Variants in EFCAB5 observed in about 807,000 individuals in gnomAD.
EFCAB5 encodes the protein EF-hand calcium-binding domain-containing protein 5.
Under a neutral mutation model 167.9 loss-of-function variants are expected in EFCAB5, and 131 were observed. The ratio of observed to expected loss-of-function variants is 0.78; its 90% confidence interval spans 0.68 to 0.90. The LOEUF (loss-of-function observed/expected upper bound fraction) is 0.90. Ranked by LOEUF, EFCAB5 falls within the 40% of genes least tolerant of loss-of-function variation. The probability of loss-of-function intolerance (pLI) is 0.00; values close to 1 mark genes in which losing one functional copy is unlikely to be tolerated. For synonymous variants in EFCAB5, 574 were observed against 602.8 expected (o/e 0.95, Z 0.70); for missense variants, 1,663 against 1,745.2 (o/e 0.95, Z 0.84).
At chr17:30,038,966 T>C (rs2069696555) in intron 8 of EFCAB5, among the ~76,000 whole-genome samples, 1 of 152,064 alleles carries the variant, frequency 6.6e-6, no homozygotes, top group Admixed American at 6.6e-5. Context: ...ACCCACCTGG[T>C]GTGACGAATA....
In EFCAB5 at chr17:30,080,860, C is replaced by T. The variant is rs1035122252; in HGVS notation, c.3305C>T (p.Ser1102Leu). ...CGTAATAAGCATGATTATAATGGTT[C>T]ATTCCTGGCTCTGCCTCTTCAAGAT... The part of the protein sequence containing the change: ...QSRNKHDYNG[S>L]FLALPLQDAY... The change falls in exon 17 of 23, where the codon TCA (serine) becomes TTA (leucine). Residue 1102 changes from serine (S) to leucine (L), a missense_variant. Ser to Leu is a moderately radical substitution (Grantham distance 145, BLOSUM62 -2). Transcript: ENST00000394835. 1.7e-5 allele frequency: 28 copies of T among 1,613,716 alleles called. No homozygotes were observed. The highest frequency in any genetic ancestry group is 2.2e-5 in the Non-Finnish European group (26 of 1,179,836).
intron 8 of EFCAB5, among the ~76,000 whole-genome samples, chr17:30,040,351 A>G (rs1198535258): frequency 6.6e-6 from 1 of 152,150 alleles, no homozygotes; most frequent in African/African-American, 2.4e-5. Context: ...GCAGTCAGGC[A>G]CCTCCATGAT....
chr17:30,078,542 C>G, intron 15 of EFCAB5, 38 bp downstream of exon 15: 1 of 1,504,772 alleles, frequency 6.6e-7, no homozygotes, highest in East Asian at 2.3e-5. Flanking sequence ...GGAAACATTT[C>G]CTCAAAGTAG....
At chr17:30,082,462 C>G (rs1457308613) in intron 17 of EFCAB5, among the ~76,000 whole-genome samples, 1 of 140,954 alleles carries the variant, frequency 7.1e-6, no homozygotes, top group Admixed American at 7.7e-5. Flanking sequence ...GCGATCTCAG[C>G]TCACTGCAAC....
intron 4 of EFCAB5, among the ~76,000 whole-genome samples, chr17:29,992,851 T>G (rs1243089205): frequency 6.6e-6 from 1 of 152,236 alleles, no homozygotes; most frequent in African/African-American, 2.4e-5. Flanking sequence ...TTTTAGTTTT[T>G]TGAGGAACCT....
chr17:29,998,788 G>T (rs904897619), intron 6 of EFCAB5, among the ~76,000 whole-genome samples: 3 of 152,170 alleles, frequency 2.0e-5, no homozygotes, highest in African/African-American at 7.2e-5. Context: ...ACTATTAGAA[G>T]TAGGAGAGGA....
At chr17:29,941,619 A>G (rs1181949790), upstream of EFCAB5, 2 of 533,024 alleles carry the variant, frequency 3.8e-6, no homozygotes, top group Non-Finnish European at 6.6e-6. Flanking sequence ...GGAAAAGTTC[A>G]GCAGTTGAGA....
chr17:29,971,892 C>T (rs1048812412), intron 4 of EFCAB5, among the ~76,000 whole-genome samples: 1 of 152,198 alleles, frequency 6.6e-6, no homozygotes, highest in Non-Finnish European at 1.5e-5. Flanking sequence ...GGAAAGGGTT[C>T]CTTTTTCAGT....
At chr17:30,069,132 G>A (rs982875652) in intron 14 of EFCAB5, 2 of 1,538,370 alleles carry the variant, frequency 1.3e-6, no homozygotes, top group Non-Finnish European at 9.0e-7. Context: ...GAATATCTAA[G>A]CTGGAACCAG....
At position 30,053,676 on chromosome 17, in the gene EFCAB5, A is replaced by C. The variant is rs748179540; in HGVS notation, c.1722A>C (p.Thr574=). The C allele has an allele frequency of 1.1e-5, 17 of 1,614,046 alleles. No homozygotes were observed. The highest frequency in any genetic ancestry group is 6.8e-6 in the Non-Finnish European group (8 of 1,179,882). The change falls in exon 10 of 23, where the codon ACA becomes ACC. Residue 574 remains threonine, a synonymous_variant. Coordinates refer to ENST00000394835, the MANE Select transcript of EFCAB5 (RefSeq NM_198529.4). ...AAGAAACACACAGAGAGTCAACTAC[A>C]GAACAAGGACAGCACAAAGGGTCAA... The part of the protein sequence containing the change: ...TEQETHREST[T]EQGQHKGSIE...
At chr17:29,953,284 T>C (rs1257231091) in intron 3 of EFCAB5, among the ~76,000 whole-genome samples, 1 of 152,016 alleles carries the variant, frequency 6.6e-6, no homozygotes, top group Non-Finnish European at 1.5e-5. Flanking sequence ...CCATTCACAA[T>C]TGCCACAAAA....
At chr17:30,061,394 C>G (rs1452502202) in intron 14 of EFCAB5, among the ~76,000 whole-genome samples, 1 of 152,138 alleles carries the variant, frequency 6.6e-6, no homozygotes, top group Admixed American at 6.5e-5. Context: ...TCAAACAGCT[C>G]TTTTGTTTGT....
chr17:30,046,309 A>G (rs935886896), intron 8 of EFCAB5, among the ~76,000 whole-genome samples: 1 of 152,156 alleles, frequency 6.6e-6, no homozygotes, highest in Non-Finnish European at 1.5e-5. Flanking sequence ...CCTATTAAAG[A>G]AAAAAGCTTT....
At chr17:30,041,974 A>T (rs775488529) in intron 8 of EFCAB5, among the ~76,000 whole-genome samples, 1 of 152,056 alleles carries the variant, frequency 6.6e-6, no homozygotes, top group Admixed American at 6.5e-5. Context: ...AGTTTAAGCT[A>T]TTGAGCACTT....
rs181607573 is a variant in EFCAB5, at chr17:30,062,104, A to G, written c.2737+2403A>G. The stretch of plus-strand genomic sequence containing the variant: ...TCATTTATATTCCAGTAGGACATTT[A>G]ACTCTTTTATAATTAAAACATTTTG... On this transcript the variant is annotated intron_variant, in intron 14 of 22. Transcript: ENST00000394835. Among the ~76,000 whole-genome samples the G allele has an allele frequency of 4.3e-3, 653 of 152,342 alleles. 4 individuals carry two copies. The highest frequency in any genetic ancestry group is 5.8e-3 in the Non-Finnish European group (398 of 68,038).
At chr17:29,995,255 G>GT (rs142375719) in intron 5 of EFCAB5, among the ~76,000 whole-genome samples, 5 of 152,136 alleles carry the variant, frequency 3.3e-5, no homozygotes, top group African/African-American at 7.2e-5. Flanking sequence ...TTTCCCAGAT[G>GT]TTTTTTTGCT....
intron 8 of EFCAB5, among the ~76,000 whole-genome samples, chr17:30,041,548 T>C (rs2069775039): frequency 6.6e-6 from 1 of 152,190 alleles, no homozygotes; most frequent in African/African-American, 2.4e-5. Context: ...GACATTAGCA[T>C]TGTTGAAATG....
chr17:29,941,622 A>C, upstream of EFCAB5: 1 of 537,284 alleles, frequency 1.9e-6, no homozygotes, highest in East Asian at 3.1e-5. Flanking sequence ...AAAGTTCAGC[A>C]GTTGAGAATT....
chr17:29,995,227 A>G (rs1315786439), intron 5 of EFCAB5, among the ~76,000 whole-genome samples: 1 of 152,210 alleles, frequency 6.6e-6, no homozygotes, highest in Admixed American at 6.5e-5. Context: ...ATGGTGGAGA[A>G]GGACTCTCTG....
Sources: gnomAD v4.1 joint callset for allele counts (sites outside exome capture counted in the v4.1 genomes callset) on GRCh38, gnomAD v4.1.1 for gene constraint, MANE v1.5 for transcripts, NCBI Gene and HGNC (gene_info 2026-07-23, HGNC 2026-07-21) for gene names.